The following TSPEAR variants were observed in gnomAD, a reference collection of about 807,000 sequenced individuals.
The protein encoded by TSPEAR is thrombospondin-type laminin G domain and EAR repeat-containing protein.
A neutral mutation model predicts 71.6 loss-of-function variants in TSPEAR; 69 were observed. The observed-to-expected ratio is 0.96, with a 90% confidence interval of 0.79 to 1.18. The LOEUF (loss-of-function observed/expected upper bound fraction) is 1.18. Among genes scored for constraint, TSPEAR ranks in the 50% most tolerant of loss-of-function variants. The pLI is 0.00. For missense variants in TSPEAR, 971 were observed against 894.9 expected, an observed-to-expected ratio of 1.09 and a Z score of -1.09; for synonymous variants, 402 against 387.2, an observed-to-expected ratio of 1.04 and a Z score of -0.45.
rs782409045 is a variant in TSPEAR, at chr21:44,558,691, A to G, written c.303+9094T>C. Reference sequence around the variant, plus strand: ...CAGGAGTCAGAGTAAGCGCTGGAGCAGACGGACATGGTAGACGTGGCCATG... The same window carrying G: ...CAGGAGTCAGAGTAAGCGCTGGAGCGGACGGACATGGTAGACGTGGCCATG... On this transcript the variant is annotated intron_variant, in intron 2 of 11. Transcript: ENST00000323084. 48 of 1,610,930 alleles carry G rather than the reference A, an allele frequency of 3.0e-5. No individual in the cohort carries two copies. Among genetic ancestry groups the G allele is most frequent in the Admixed American group, 3.3e-5 (2 of 59,882 alleles).
chr21:44,647,370 T>G, intron 1 of TSPEAR: 2 of 1,610,062 alleles, frequency 1.2e-6, no homozygotes, highest in Non-Finnish European at 1.7e-6. Context: ...TCAATCCTTG[T>G]CTCCTGCTGA....
At chr21:44,699,377 CAA>C (rs55846070) in intron 1 of TSPEAR, among the ~76,000 whole-genome samples, 103 of 65,394 alleles carry the variant, frequency 1.6e-3, no homozygotes, top group South Asian at 0.013. Context: ...GACACTGTCT[CAA>C]AAAAAAAAAA....
chr21:44,580,019 C>T (rs1555924728), intron 1 of TSPEAR: 3 of 1,595,412 alleles, frequency 1.9e-6, no homozygotes, highest in Non-Finnish European at 2.6e-6. Context: ...GGGCACACAG[C>T]AGATGGGTTT....
intron 1 of TSPEAR, among the ~76,000 whole-genome samples, chr21:44,690,376 A>T (rs1477818424): frequency 2.0e-5 from 3 of 152,250 alleles, no homozygotes; most frequent in Non-Finnish European, 4.4e-5. Flanking sequence ...GAACGGAAAA[A>T]TCCTAGATAT....
intron 2 of TSPEAR, among the ~76,000 whole-genome samples, chr21:44,560,251 T>C (rs9979104): frequency 0.011 from 1,746 of 152,240 alleles, 31 homozygotes; most frequent in African/African-American, 0.04. Context: ...CATTACATAA[T>C]GATAAAGGGA....
intron 1 of TSPEAR, among the ~76,000 whole-genome samples, chr21:44,597,437 C>CT (rs56129761): frequency 0.065 from 7,707 of 119,178 alleles, 652 homozygotes; most frequent in African/African-American, 0.23. Context: ...TCTTTCTTTT[C>CT]TTTTTTTTTT....
chr21:44,541,000 A>T (rs1555917182), intron 2 of TSPEAR, among the ~76,000 whole-genome samples: 2 of 148,172 alleles, frequency 1.3e-5, no homozygotes, highest in Admixed American at 1.3e-4. Flanking sequence ...TTTTGTACAG[A>T]TGGCGTCTCA....
intron 2 of TSPEAR, among the ~76,000 whole-genome samples, chr21:44,534,675 C>T (rs1395732579): frequency 4.6e-5 from 7 of 152,144 alleles, no homozygotes; most frequent in East Asian, 1.9e-4. Flanking sequence ...GGAACTCTTG[C>T]GCACTGTTGG....
chr21:44,646,688 C>T lies in TSPEAR; in HGVS notation c.82+64745G>A, dbSNP rs201567689. ...TCAGGCTGCACCAGCTCCTGCACGC[C>T]GTCATGCTGCCAGCAGTCTAGCTGC... On this transcript the variant is annotated intron_variant, in intron 1 of 11. Coordinates refer to ENST00000323084, the MANE Select transcript of TSPEAR (RefSeq NM_144991.3). 148 of 1,614,160 alleles carry T rather than the reference C, an allele frequency of 9.2e-5. 1 individual carries two copies. The Admixed American group carries it at 1.4e-3, about 15-fold the overall frequency.
intron 1 of TSPEAR, among the ~76,000 whole-genome samples, chr21:44,580,941 C>G (rs944596297): frequency 6.6e-6 from 1 of 152,100 alleles, no homozygotes; most frequent in East Asian, 1.9e-4. Flanking sequence ...GAAGACTTCT[C>G]TAAAGGGAGG....
intron 1 of TSPEAR, chr21:44,647,430 G>C (rs782736763): frequency 1.4e-5 from 22 of 1,524,894 alleles, no homozygotes; most frequent in Non-Finnish European, 1.9e-5. Context: ...AGCCCCTGGA[G>C]TCCTCAGAAT....
In TSPEAR at chr21:44,593,079, T is replaced by C. The variant is rs1367892050; in HGVS notation, c.83-25074A>G. On this transcript the variant is annotated intron_variant, in intron 1 of 11. Coordinates refer to ENST00000323084, the MANE Select transcript of TSPEAR (RefSeq NM_144991.3). This position sits in a 1 kb window ranked among gnomAD's most constrained non-coding sequence, Gnocchi z 5.9. ...TCTTCACCTCCGGCCCTGTTTCGTG[T>C]CCACCTCGTCTTTGTGTTTTGGAGG... Among the ~76,000 whole-genome samples the C allele has an allele frequency of 6.6e-6, 1 of 152,240 alleles. No homozygotes were observed. Among genetic ancestry groups the C allele is most frequent in the African/African-American group, 2.4e-5 (1 of 41,466 alleles).
At chr21:44,615,017 G>A (rs1358172745) in intron 1 of TSPEAR, among the ~76,000 whole-genome samples, 3 of 152,184 alleles carry the variant, frequency 2.0e-5, no homozygotes, top group Admixed American at 6.5e-5. Context: ...ATCGCTCACC[G>A]GACGTGGCAG....
At chr21:44,675,719 A>C (rs979526304) in intron 1 of TSPEAR, 8 of 383,610 alleles carry the variant, frequency 2.1e-5, no homozygotes, top group African/African-American at 1.2e-4. Context: ...AGTGGAAAGA[A>C]TATAAATGCA....
chr21:44,534,773 A>G (rs1332487099), intron 2 of TSPEAR, among the ~76,000 whole-genome samples: 3 of 152,242 alleles, frequency 2.0e-5, no homozygotes, highest in Non-Finnish European at 4.4e-5. Context: ...TGATTCAGCA[A>G]TTCCACTTCT....
chr21:44,559,127 A>G (rs1264575125), intron 2 of TSPEAR, among the ~76,000 whole-genome samples: 2 of 152,218 alleles, frequency 1.3e-5, no homozygotes, highest in African/African-American at 4.8e-5. Context: ...ACTTAAAAAA[A>G]GACTTCTACA....
At chr21:44,629,641 G>A (rs1413636321) in intron 1 of TSPEAR, among the ~76,000 whole-genome samples, 1 of 152,210 alleles carries the variant, frequency 6.6e-6, no homozygotes, top group Admixed American at 6.5e-5. Flanking sequence ...ATCCCCAGTG[G>A]GGCCTGGCTG....
At chr21:44,685,240 G>A (rs547883901) in intron 1 of TSPEAR, among the ~76,000 whole-genome samples, 62 of 152,068 alleles carry the variant, frequency 4.1e-4, no homozygotes, top group Non-Finnish European at 7.1e-4. Context: ...TGGGATGGAG[G>A]GAGTAGCTCT....
chr21:44,596,516 C>T (rs1482920416), intron 1 of TSPEAR, among the ~76,000 whole-genome samples: 1 of 152,208 alleles, frequency 6.6e-6, no homozygotes, highest in Non-Finnish European at 1.5e-5. Context: ...CCAGGAGTAT[C>T]TACAGGATGC....
Sources: gnomAD v4.1 joint callset for allele counts (sites outside exome capture counted in the v4.1 genomes callset) on GRCh38, gnomAD v4.1.1 for gene constraint, Gnocchi (gnomAD v3.1) non-coding constraint, MANE v1.5 for transcripts, NCBI Gene and HGNC (gene_info 2026-07-23, HGNC 2026-07-21) for gene names.